Variants in MORC1 observed in about 807,000 individuals in gnomAD.
MORC1 encodes the protein MORC family CW-type zinc finger 1, also known as MORC family CW-type zinc finger protein 1.
In MORC1, 59 loss-of-function variants were observed where a neutral mutation model predicts 134.9. The ratio of observed to expected loss-of-function variants is 0.44; its 90% CI spans 0.35 to 0.54. The LOEUF is 0.54. MORC1 is among the 20% of genes least tolerant of loss of function. The probability of loss-of-function intolerance (pLI) is 0.00; values close to 1 mark genes in which losing one functional copy is unlikely to be tolerated. For missense variants in MORC1, 947 were observed against 1,134.5 expected (o/e 0.83, Z 2.37); for synonymous variants, 395 against 391.7 (o/e 1.01, Z -0.10).
chr3:108,995,150 A>G (rs1254620685), intron 21 of MORC1, among the ~76,000 whole-genome samples: 1 of 152,204 alleles, frequency 6.6e-6, no homozygotes, highest in East Asian at 1.9e-4. Context: ...AGTTTATCAC[A>G]CAGCAGTGCA....
chr3:109,077,360 G>C (rs763894857), intron 8 of MORC1, among the ~76,000 whole-genome samples: 8 of 152,216 alleles, frequency 5.3e-5, no homozygotes, highest in Non-Finnish European at 1.0e-4. Flanking sequence ...AATTGTTCAT[G>C]TCTGATGTAA....
At chr3:109,110,017 T>C (rs1429913034) in intron 3 of MORC1, 1 of 152,250 alleles carries the variant, frequency 6.6e-6, no homozygotes, top group Non-Finnish European at 1.5e-5. Context: ...TCATTTATTG[T>C]TTCCTCAGTT....
intron 8 of MORC1, among the ~76,000 whole-genome samples, chr3:109,083,416 G>A (rs1360733124): frequency 6.6e-6 from 1 of 151,630 alleles, no homozygotes; most frequent in Non-Finnish European, 1.5e-5. Context: ...CATTATGCTA[G>A]TATGAAACCC....
chr3:109,038,762 A>C (rs893377974), intron 14 of MORC1, among the ~76,000 whole-genome samples: 2 of 151,988 alleles, frequency 1.3e-5, no homozygotes, highest in Admixed American at 1.3e-4. Flanking sequence ...GTGTGGTGTT[A>C]TTTCTGAGGA....
intron 14 of MORC1, among the ~76,000 whole-genome samples, chr3:109,049,669 T>C (rs377208566): frequency 6.0e-4 from 92 of 152,162 alleles, no homozygotes; most frequent in African/African-American, 2.2e-3. Flanking sequence ...AAAAGAGAGG[T>C]ATGGCTTTAC....
intron 8 of MORC1, among the ~76,000 whole-genome samples, chr3:109,071,080 C>A (rs1358022746): frequency 1.3e-5 from 2 of 152,234 alleles, no homozygotes; most frequent in Admixed American, 6.5e-5. Flanking sequence ...CCCAGAACTG[C>A]ACAATTAAGT....
At chr3:109,063,271 C>G (rs367881453) in intron 9 of MORC1, 40 bp from the exon 10 acceptor site, 2 of 1,303,456 alleles carry the variant, frequency 1.5e-6, no homozygotes, top group Middle Eastern at 1.9e-4. Flanking sequence ...GTCAGATTAT[C>G]ATTTTAAAAT....
Position 109,085,298 on chromosome 3 carries a change from A to G in MORC1, c.689+8138T>C, listed in dbSNP as rs764326099. Among the ~76,000 whole-genome samples the G allele has an allele frequency of 3.3e-5, 5 of 152,158 alleles. 1 individual carries two copies. Among genetic ancestry groups the G allele is most frequent in the Non-Finnish European group, 7.4e-5 (5 of 68,004 alleles). ...CTAAAAAGTTTCTGCAAAGCAAAGA[A>G]GATAGTCAACAAAGTGATGAGACAA... On this transcript the variant is annotated intron_variant, in intron 8 of 27. Coordinates refer to ENST00000232603, the MANE Select transcript of MORC1 (RefSeq NM_014429.4).
chr3:109,099,552 A>C (rs540261013), intron 5 of MORC1, 86 bp from the exon 6 acceptor site: 2 of 989,214 alleles, frequency 2.0e-6, no homozygotes, highest in Admixed American at 3.0e-5. Flanking sequence ...CGTGTACTGT[A>C]ACAGGATGTT....
At chr3:109,037,505 G>A (rs11720404) in intron 14 of MORC1, among the ~76,000 whole-genome samples, 24,770 of 152,136 alleles carry the variant, frequency 0.16, 2,233 homozygotes, top group African/African-American at 0.23. Flanking sequence ...GGTTTGTTAC[G>A]TAGGCATACA....
chr3:109,071,763 G>A (rs1019820080), intron 8 of MORC1, among the ~76,000 whole-genome samples: 1 of 152,158 alleles, frequency 6.6e-6, no homozygotes, highest in Non-Finnish European at 1.5e-5. Flanking sequence ...TAGCCACACA[G>A]GCACCTTCAG....
At chr3:109,048,016 G>T in intron 14 of MORC1, among the ~76,000 whole-genome samples, 1 of 152,102 alleles carries the variant, frequency 6.6e-6, no homozygotes, top group East Asian at 1.9e-4. Flanking sequence ...CATCTGAATG[G>T]GCAAGCTGCT....
At chr3:109,005,928 T>G (rs549436558) in intron 18 of MORC1, among the ~76,000 whole-genome samples, 1 of 152,178 alleles carries the variant, frequency 6.6e-6, no homozygotes, top group Non-Finnish European at 1.5e-5. Flanking sequence ...AACGAAACTC[T>G]TTAGCTCTCA....
chr3:109,013,104 C>A (rs1291511286), intron 17 of MORC1, among the ~76,000 whole-genome samples: 1 of 152,062 alleles, frequency 6.6e-6, no homozygotes, highest in Non-Finnish European at 1.5e-5. Flanking sequence ...AAAATTTTAT[C>A]AGGAATGGCT....
intron 8 of MORC1, among the ~76,000 whole-genome samples, chr3:109,084,336 T>G (rs889811407): frequency 6.6e-6 from 1 of 152,120 alleles, no homozygotes; most frequent in African/African-American, 2.4e-5. Context: ...TGCATACAAT[T>G]AGTAGCATTT....
intron 15 of MORC1, among the ~76,000 whole-genome samples, chr3:109,033,078 G>C (rs1949275835): frequency 6.6e-6 from 1 of 151,872 alleles, no homozygotes; most frequent in African/African-American, 2.4e-5. Context: ...TCAGCCAAAA[G>C]AACCTTAAAT....
intron 20 of MORC1, among the ~76,000 whole-genome samples, chr3:109,003,262 C>CATATATATATAT (rs60788462): frequency 6.7e-6 from 1 of 149,538 alleles, no homozygotes; most frequent in African/African-American, 2.5e-5. Flanking sequence ...TAAAATTATA[C>CATATATATATAT]ATATATATAT....
Position 109,069,712 on chromosome 3 carries a change from A to G in MORC1, c.735T>C (p.Tyr245=). ...WSFRAYTSVL[Y]FNPWMRIFIQ... ...TGAATATTCTCATCCATGGGTTAAAATACAGAACAGATGTGTAGGCTCTGA... is the reference window on the plus strand; with the variant it reads ...TGAATATTCTCATCCATGGGTTAAAGTACAGAACAGATGTGTAGGCTCTGA... The change falls in exon 9 of 28, where the codon TAT becomes TAC. Residue 245 remains tyrosine, a synonymous_variant. Transcript: ENST00000232603. 1 of 1,613,180 alleles carries G rather than the reference A, an allele frequency of 6.2e-7. No homozygotes were observed. The highest frequency in any genetic ancestry group is 8.5e-7 in the Non-Finnish European group (1 of 1,179,366).
intron 16 of MORC1, among the ~76,000 whole-genome samples, chr3:109,029,510 A>G (rs72935351): frequency 0.011 from 1,749 of 152,322 alleles, 37 homozygotes; most frequent in African/African-American, 0.039. Context: ...CCTTTTCAAA[A>G]TTCAGACATT....
Sources: gnomAD v4.1 joint callset for allele counts (sites outside exome capture counted in the v4.1 genomes callset) on GRCh38, gnomAD v4.1.1 for gene constraint, MANE v1.5 for transcripts, NCBI Gene and HGNC (gene_info 2026-07-23, HGNC 2026-07-21) for gene names.